The following CLSTN1 variants were observed in gnomAD, a reference collection of about 807,000 sequenced individuals.
CLSTN1 encodes calsyntenin 1, also known as calsyntenin-1.
A neutral mutation model predicts 108.3 loss-of-function variants in CLSTN1; 28 were observed. The ratio of observed to expected loss-of-function variants is 0.26; its 90% CI spans 0.19 to 0.35. The LOEUF (loss-of-function observed/expected upper bound fraction) is 0.35, where lower values mean the gene tolerates loss of function less well. Ranked by LOEUF, CLSTN1 falls within the 10% of genes least tolerant of loss-of-function variation. The pLI is 1.00. For missense variants in CLSTN1, 1,157 were observed against 1,302.6 expected, an observed-to-expected ratio of 0.89 and a Z score of 1.72; for synonymous variants, 524 against 534.9, an observed-to-expected ratio of 0.98 and a Z score of 0.28.
chr1:9,789,889 G>A (rs934021368), intron 1 of CLSTN1, among the ~76,000 whole-genome samples: 1 of 151,396 alleles, frequency 6.6e-6, no homozygotes, highest in African/African-American at 2.4e-5. Context: ...TGAGGTGGGA[G>A]AATCGCTTGA....
At chr1:9,785,944 G>C (rs1331792300) in intron 1 of CLSTN1, among the ~76,000 whole-genome samples, 3 of 152,074 alleles carry the variant, frequency 2.0e-5, no homozygotes, top group Non-Finnish European at 4.4e-5. Flanking sequence ...GGGAGGTTGA[G>C]GTGGGTGGAT....
At chr1:9,805,990 T>C (rs1477063331) in intron 1 of CLSTN1, among the ~76,000 whole-genome samples, 1 of 151,904 alleles carries the variant, frequency 6.6e-6, no homozygotes, top group African/African-American at 2.4e-5. Context: ...TAAATATCCA[T>C]AGATAAAACC....
chr1:9,747,401 T>C (rs896791764), intron 7 of CLSTN1, among the ~76,000 whole-genome samples: 1 of 152,110 alleles, frequency 6.6e-6, no homozygotes, highest in Non-Finnish European at 1.5e-5. Context: ...AATATTTGGA[T>C]TCAGAGTTGC....
intron 1 of CLSTN1, among the ~76,000 whole-genome samples, chr1:9,787,223 G>A (rs910647709): frequency 7.9e-5 from 12 of 150,972 alleles, no homozygotes; most frequent in Admixed American, 4.1e-4. Context: ...CCATCCATCC[G>A]TCTTTCTCGA....
At chr1:9,779,638 G>C (rs1433108992) in intron 1 of CLSTN1, among the ~76,000 whole-genome samples, 1 of 152,024 alleles carries the variant, frequency 6.6e-6, no homozygotes, top group African/African-American at 2.4e-5. Flanking sequence ...TGTTGCCCAC[G>C]CTGGTGTCAA....
At chr1:9,809,133 C>G (rs1654625251) in intron 1 of CLSTN1, among the ~76,000 whole-genome samples, 1 of 152,170 alleles carries the variant, frequency 6.6e-6, no homozygotes, top group East Asian at 1.9e-4. Context: ...TATTCTCTGC[C>G]AAGACTTACA....
intron 2 of CLSTN1, among the ~76,000 whole-genome samples, chr1:9,759,086 G>A (rs780796932): frequency 1.3e-5 from 2 of 152,116 alleles, no homozygotes; most frequent in Non-Finnish European, 2.9e-5. Context: ...GACAATGGAC[G>A]CAGAGTGCTC....
rs146837777 is a variant in CLSTN1 at position 9,784,704 on chromosome 1, C to A, written c.92-11310G>T. Reference sequence around the variant, plus strand: ...TTTAAACCTTGGTCTATCATAAGAACCTGCAATTAAGGAACACTGCCAGCA... The same window carrying A: ...TTTAAACCTTGGTCTATCATAAGAAACTGCAATTAAGGAACACTGCCAGCA... On this transcript the variant is annotated intron_variant, in intron 1 of 18. Transcript: ENST00000377298. Among the ~76,000 whole-genome samples, 713 of 152,268 alleles carry A rather than the reference C, an allele frequency of 4.7e-3. 27 individuals are homozygous for A. The highest frequency in any genetic ancestry group is 0.034 in the Admixed American group (524 of 15,284).
At position 9,731,808 on chromosome 1, in the gene CLSTN1, A is replaced by G. The variant is rs1292980914; in HGVS notation, c.2516T>C (p.Phe839Ser). 1.2e-6 allele frequency: 2 copies of G among 1,614,086 alleles called. No individual in the cohort carries two copies. The highest frequency in any genetic ancestry group is 8.5e-7 in the Non-Finnish European group (1 of 1,180,040). The change falls in exon 17 of 19, where the codon TTT becomes TCT. Residue 839 changes from phenylalanine (F) to serine (S), a missense_variant. Coordinates refer to ENST00000377298, the MANE Select transcript of CLSTN1 (RefSeq NM_001009566.3). ...PQFVHPEHRS[F>S]VDLSGHNLAN... ...CAGGTTGTGGCCTGACAGGTCAACA[A>G]AGGAGCGGTGTTCCGGGTGCACGAA...
chr1:9,733,481 T>C lies in CLSTN1; in HGVS notation c.2347A>G (p.Arg783Gly), dbSNP rs150414844. ...TTAAACTTCCGGTCAAGCAAGGACCTGGCATGCCAGTTCCGATAGCGCAGC... is the reference window on the plus strand; with the variant it reads ...TTAAACTTCCGGTCAAGCAAGGACCCGGCATGCCAGTTCCGATAGCGCAGC... ...HLLRYRNWHA[R>G]SLLDRKFKLI... Residue 783 changes from arginine to glycine, a missense_variant, in exon 16 of 19, where the codon AGG becomes GGG. Transcript: ENST00000377298. 1 of 1,614,090 alleles carries C rather than the reference T, an allele frequency of 6.2e-7. No homozygotes were observed. The highest frequency in any genetic ancestry group is 8.5e-7 in the Non-Finnish European group (1 of 1,180,042).
intron 1 of CLSTN1, among the ~76,000 whole-genome samples, chr1:9,778,689 A>G (rs914214154): frequency 1.2e-4 from 18 of 152,156 alleles, no homozygotes; most frequent in African/African-American, 4.1e-4. Context: ...CCCCCCGTCC[A>G]TAGGCTGCTC....
At chr1:9,769,528 G>A (rs952100390) in intron 2 of CLSTN1, among the ~76,000 whole-genome samples, 38 of 152,268 alleles carry the variant, frequency 2.5e-4, no homozygotes, top group Middle Eastern at 3.4e-3. Flanking sequence ...GCTGGGAGAC[G>A]CCCATCACAA....
At chr1:9,781,546 C>G (rs571471902) in intron 1 of CLSTN1, among the ~76,000 whole-genome samples, 10 of 151,430 alleles carry the variant, frequency 6.6e-5, no homozygotes, top group African/African-American at 2.4e-4. Context: ...CGGGTTCAAG[C>G]GATTCTCCTG....
intron 7 of CLSTN1, among the ~76,000 whole-genome samples, chr1:9,748,672 G>A (rs1651402019): frequency 6.6e-6 from 1 of 152,048 alleles, no homozygotes; most frequent in South Asian, 2.1e-4. Flanking sequence ...TTTTTTTGTA[G>A]AGACAGGGTT....
At chr1:9,818,602 C>CA (rs757992139) in intron 1 of CLSTN1, among the ~76,000 whole-genome samples, 5 of 152,048 alleles carry the variant, frequency 3.3e-5, no homozygotes, top group Non-Finnish European at 7.4e-5. Context: ...GCTGGGATTA[C>CA]AGGCATGAGC....
chr1:9,773,167 T>TGAAA, intron 2 of CLSTN1, 105 bp downstream of exon 2: 1 of 1,467,132 alleles, frequency 6.8e-7, no homozygotes, highest in Non-Finnish European at 9.4e-7. Context: ...AACCCTCAGC[T>TGAAA]ATGGAGACAT....
At chr1:9,796,843 A>T (rs1654031372) in intron 1 of CLSTN1, among the ~76,000 whole-genome samples, 1 of 152,150 alleles carries the variant, frequency 6.6e-6, no homozygotes, top group Admixed American at 6.6e-5. Flanking sequence ...ATTACATCAA[A>T]TTTGAAAATA....
At chr1:9,765,386 G>GA (rs1402401098) in intron 2 of CLSTN1, among the ~76,000 whole-genome samples, 2 of 150,760 alleles carry the variant, frequency 1.3e-5, no homozygotes, top group African/African-American at 4.9e-5. Flanking sequence ...CTCCATCTCA[G>GA]AAAAAAGAAA....
At chr1:9,761,778 A>T (rs1652086291) in intron 2 of CLSTN1, among the ~76,000 whole-genome samples, 1 of 152,212 alleles carries the variant, frequency 6.6e-6, no homozygotes, top group South Asian at 2.1e-4. Flanking sequence ...CTGCCCTTAT[A>T]TTGCAAATGT....
Sources: allele counts gnomAD v4.1 joint callset (sites outside exome capture counted in the v4.1 genomes callset), GRCh38; gene constraint gnomAD v4.1.1; transcripts MANE v1.5; gene names NCBI Gene and HGNC (gene_info 2026-07-23, HGNC 2026-07-21).